UBA2: variants seen among roughly 807,000 people sequenced by gnomAD.
The protein encoded by UBA2 is SUMO-activating enzyme subunit 2.
Under a neutral mutation model 77.2 loss-of-function variants are expected in UBA2, and 11 were observed. That is an observed-to-expected ratio of 0.14 (90% confidence interval 0.09 to 0.24). UBA2 has a LOEUF of 0.24. Among genes scored for constraint, UBA2 ranks in the 10% least tolerant of loss-of-function variants. UBA2 has a pLI of 1.00. For missense variants in UBA2, 487 were observed against 781.7 expected, an observed-to-expected ratio of 0.62 and a Z score of 4.50; for synonymous variants, 278 against 276.7, an observed-to-expected ratio of 1.00 and a Z score of -0.05.
chr19:34,443,138 T>A (rs1568372663), intron 6 of UBA2, among the ~76,000 whole-genome samples: 2 of 152,250 alleles, frequency 1.3e-5, no homozygotes, highest in South Asian at 4.1e-4. Context: ...TTGCTGAATT[T>A]CTATCCCCTA....
At chr19:34,444,675 T>C (rs1017813451) in intron 7 of UBA2, among the ~76,000 whole-genome samples, 3 of 152,198 alleles carry the variant, frequency 2.0e-5, no homozygotes, top group Non-Finnish European at 4.4e-5. Context: ...GGCATGGTGG[T>C]GCATACCTGT....
intron 8 of UBA2, among the ~76,000 whole-genome samples, chr19:34,446,262 T>C (rs1307237780): frequency 6.6e-6 from 1 of 152,230 alleles, no homozygotes; most frequent in Non-Finnish European, 1.5e-5. Flanking sequence ...ACTAAGCAGA[T>C]GACCTTAAGG....
chr19:34,467,683 G>A (rs1297612999), intron 16 of UBA2, among the ~76,000 whole-genome samples: 2 of 152,168 alleles, frequency 1.3e-5, no homozygotes, highest in African/African-American at 4.8e-5. Context: ...GGCTGAGGCA[G>A]GAGGCGGAGG....
intron 12 of UBA2, 30 bp downstream of exon 12, chr19:34,454,586 A>AC (rs761579384): frequency 2.5e-5 from 28 of 1,101,820 alleles, no homozygotes; most frequent in Non-Finnish European, 3.3e-5. Context: ...TTTTTATGCA[A>AC]CCCCCCTTAA....
In UBA2 at chr19:34,434,870, G is replaced by T. The variant is rs781352231; in HGVS notation, c.361G>T (p.Ala121Ser). ...CATACTGTTTGTTTTACTTCCAGCT[G>T]CCCGAAACCATGTTAATAGAATGTG... ...LVMNALDNRA[A>S]RNHVNRMCLA... The change falls in exon 5 of 17, where the codon GCC becomes TCC. Residue 121 changes from alanine (A) to serine (S), a missense_variant and splice_region_variant. Ala to Ser is a moderately conservative substitution (Grantham distance 99, BLOSUM62 1). Coordinates refer to ENST00000246548, the MANE Select transcript of UBA2 (RefSeq NM_005499.3). 1 of 1,597,742 alleles carries T rather than the reference G, an allele frequency of 6.3e-7. No homozygotes were observed. The highest frequency in any genetic ancestry group is 8.5e-7 in the Non-Finnish European group (1 of 1,170,654).
chr19:34,453,651 G>A (rs1327231892), intron 10 of UBA2, among the ~76,000 whole-genome samples: 1 of 151,552 alleles, frequency 6.6e-6, no homozygotes, highest in East Asian at 1.9e-4. Flanking sequence ...AGGCTCCCGA[G>A]TACCTGGGAC....
chr19:34,467,792 A>G (rs577939932), intron 16 of UBA2, among the ~76,000 whole-genome samples: 2 of 152,320 alleles, frequency 1.3e-5, no homozygotes, highest in African/African-American at 4.8e-5. Flanking sequence ...GACTGGGGGA[A>G]ATTCTTATGG....
At position 34,469,682 on chromosome 19, in the gene UBA2, T is replaced by C. The variant is rs1369410076; in HGVS notation, c.*461T>C. Reference sequence around the variant, plus strand: ...AGTATCGAGTGCTATGCATTGAAACTTGTTTTTAAATGTTAGATGGCACTA... The same window carrying C: ...AGTATCGAGTGCTATGCATTGAAACCTGTTTTTAAATGTTAGATGGCACTA... On this transcript the variant is annotated 3_prime_UTR_variant, in exon 17 of 17. Transcript: ENST00000246548. 6.5e-6 allele frequency: 1 copy of C among 152,706 alleles called. No individual in the cohort carries two copies. The highest frequency in any genetic ancestry group is 1.5e-5 in the Non-Finnish European group (1 of 68,084). The allele number at this position is 152,706 out of a possible 1,614,324, so 9.5% of individuals were successfully genotyped here.
intron 1 of UBA2, chr19:34,429,197 T>TA (rs2075223332): frequency 7.1e-6 from 7 of 985,236 alleles, no homozygotes; most frequent in Non-Finnish European, 8.4e-6. Context: ...GCAGGCTGCG[T>TA]GACTGTCATT....
chr19:34,459,861 A>G (rs1329939005), intron 13 of UBA2, among the ~76,000 whole-genome samples: 1 of 152,214 alleles, frequency 6.6e-6, no homozygotes, highest in African/African-American at 2.4e-5. Context: ...GTTTTGGTCA[A>G]GGAAGTGGCA....
chr19:34,457,932 A>G (rs2075586246), intron 12 of UBA2, among the ~76,000 whole-genome samples: 1 of 152,214 alleles, frequency 6.6e-6, no homozygotes, highest in South Asian at 2.1e-4. Flanking sequence ...AGGTACATAT[A>G]CTGCCAGAAA....
chr19:34,446,346 T>C (rs137968380), intron 8 of UBA2, among the ~76,000 whole-genome samples: 2 of 152,336 alleles, frequency 1.3e-5, no homozygotes, highest in Non-Finnish European at 2.9e-5. Context: ...CGAAAACTCT[T>C]TTTCTTTCTG....
chr19:34,445,301 A>G (rs909827260), intron 8 of UBA2, among the ~76,000 whole-genome samples, 180 bp downstream of exon 8: 18 of 152,172 alleles, frequency 1.2e-4, no homozygotes, highest in Non-Finnish European at 2.4e-4. Flanking sequence ...AAATGTTACC[A>G]TCTACACTAA....
intron 4 of UBA2, among the ~76,000 whole-genome samples, chr19:34,433,844 G>A (rs1014317723): frequency 4.6e-5 from 7 of 152,162 alleles, no homozygotes; most frequent in African/African-American, 1.7e-4. Context: ...TGTAGTCCCA[G>A]CTTCTCCGGA....
At chr19:34,467,119 G>A in intron 16 of UBA2, 105 bp downstream of exon 16, 1 of 1,337,628 alleles carries the variant, frequency 7.5e-7, no homozygotes, top group Non-Finnish European at 1.0e-6. Context: ...ACTACTAGAG[G>A]TGTGTATTGG....
intron 1 of UBA2, chr19:34,429,036 G>C (rs1487352327): frequency 2.0e-6 from 2 of 985,318 alleles, no homozygotes; most frequent in African/African-American, 3.5e-5. Context: ...GGTCACGAGC[G>C]GGTTTACACA....
intron 12 of UBA2, among the ~76,000 whole-genome samples, chr19:34,456,318 T>C (rs1830393565): frequency 6.6e-6 from 1 of 151,494 alleles, no homozygotes; most frequent in Non-Finnish European, 1.5e-5. Context: ...TTTCACCTGT[T>C]GCCCAGATTG....
In UBA2 at chr19:34,431,986, T is replaced by C. The variant is rs1263128584; in HGVS notation, c.293+55T>C. The stretch of plus-strand genomic sequence containing the variant: ...GTATAAGGGTTTTGTAAGCCAAATA[T>C]ATAAGCTCAAAGTCATTCAGCTTTT... On this transcript the variant is annotated intron_variant, in intron 3 of 16. Coordinates refer to ENST00000246548, the MANE Select transcript of UBA2 (RefSeq NM_005499.3). 8 of 1,287,522 alleles carry C rather than the reference T, an allele frequency of 6.2e-6. No individual in the cohort carries two copies. The African/African-American group carries it at 7.5e-5, about 12-fold the overall frequency. 79.8% of individuals were successfully genotyped at this position (1,287,522 alleles called of 1,614,324 possible).
At chr19:34,440,250 G>C (rs2075354102) in intron 6 of UBA2, among the ~76,000 whole-genome samples, 1 of 151,294 alleles carries the variant, frequency 6.6e-6, no homozygotes, top group Non-Finnish European at 1.5e-5. Flanking sequence ...CTTGAACCCA[G>C]TGGGTGGAGA....
Sources: gnomAD v4.1 joint callset for allele counts (sites outside exome capture counted in the v4.1 genomes callset) on GRCh38, gnomAD v4.1.1 for gene constraint, MANE v1.5 for transcripts, NCBI Gene and HGNC (gene_info 2026-07-23, HGNC 2026-07-21) for gene names.